The following KIF26B variants were observed in gnomAD, a reference collection of about 807,000 sequenced individuals.
KIF26B encodes the protein kinesin family member 26B, also known as kinesin-like protein KIF26B.
A neutral mutation model predicts 151.2 loss-of-function variants in KIF26B; 63 were observed. The ratio of observed to expected loss-of-function variants is 0.42; its 90% CI spans 0.34 to 0.51. The LOEUF is 0.51. Among genes scored for constraint, KIF26B ranks in the 20% least tolerant of loss-of-function variants. KIF26B has a pLI of 0.07. For synonymous variants in KIF26B, 1,357 were observed against 1,262.1 expected (o/e 1.08, Z -1.59); for missense variants, 2,813 against 2,913.6 (o/e 0.97, Z 0.79).
rs963400555 is a variant in KIF26B, at chr1:245,700,831, G to A, written c.6179-1627G>A. On this transcript the variant is annotated intron_variant, in intron 14 of 14. Transcript: ENST00000407071. Reference sequence around the variant, plus strand: ...TGGTTACTGTCTGCGCGTGACATGCGCACGGGGCGCTGTGCTTATCCCTCC... The same window carrying A: ...TGGTTACTGTCTGCGCGTGACATGCACACGGGGCGCTGTGCTTATCCCTCC... 3.3e-5 allele frequency among the ~76,000 whole-genome samples: 5 copies of A among 152,194 alleles called. No homozygotes were observed. The East Asian group carries it at 5.8e-4, about 18-fold the overall frequency.
intron 5 of KIF26B, among the ~76,000 whole-genome samples, chr1:245,567,853 G>A (rs1432368782): frequency 6.6e-6 from 1 of 152,034 alleles, no homozygotes; most frequent in African/African-American, 2.4e-5. Context: ...TTTCATCTGA[G>A]TTAAGAGTTT....
intron 5 of KIF26B, among the ~76,000 whole-genome samples, chr1:245,561,913 C>CA (rs1239488227): frequency 2.6e-5 from 4 of 152,198 alleles, no homozygotes; most frequent in African/African-American, 9.6e-5. Flanking sequence ...TGCCTCTTCT[C>CA]AGTCTCCATC....
intron 2 of KIF26B, among the ~76,000 whole-genome samples, chr1:245,246,098 GA>G (rs199908845): frequency 0.18 from 5,938 of 32,214 alleles, 117 homozygotes; most frequent in East Asian, 0.27. Flanking sequence ...TCTCAAAAAA[GA>G]AAAAAAAAAA....
intron 3 of KIF26B, among the ~76,000 whole-genome samples, chr1:245,369,376 A>C (rs75192465): frequency 0.057 from 8,670 of 152,246 alleles, 735 homozygotes; most frequent in African/African-American, 0.19. Flanking sequence ...TGTGGTTGAT[A>C]AAATGCCGGG....
intron 10 of KIF26B, among the ~76,000 whole-genome samples, chr1:245,654,361 G>C (rs141701101): frequency 3.3e-5 from 5 of 152,250 alleles, no homozygotes; most frequent in Non-Finnish European, 5.9e-5. Flanking sequence ...CAAGCAACGA[G>C]ACGCTCCTGA....
rs1215728539 is a variant in KIF26B at position 245,667,680 on chromosome 1, C to T, written c.2259-16553C>T. On this transcript the variant is annotated intron_variant, in intron 10 of 14. Transcript: ENST00000407071. This position sits in a 1 kb window ranked among gnomAD's most constrained non-coding sequence, Gnocchi z 4.3. ...TATACAGGAAGAAGAGAAGTGGCAT[C>T]TGCCCATCCTACGCAGTTCTCCAGG... 6.6e-6 allele frequency among the ~76,000 whole-genome samples: 1 copy of T among 152,210 alleles called. No homozygotes were observed. Among genetic ancestry groups the T allele is most frequent in the Non-Finnish European group, 1.5e-5 (1 of 68,030 alleles).
chr1:245,557,134 G>A (rs762122071), intron 5 of KIF26B, among the ~76,000 whole-genome samples: 28 of 152,222 alleles, frequency 1.8e-4, no homozygotes, highest in Non-Finnish European at 2.6e-4. Flanking sequence ...CACTTGCTCT[G>A]CAGTGTAAGC....
rs35972709 is a variant in KIF26B, at chr1:245,495,912, C to T, written c.1167-44855C>T. 0.032 allele frequency among the ~76,000 whole-genome samples: 4,865 copies of T among 152,218 alleles called. 130 individuals carry two copies. The highest frequency in any genetic ancestry group is 0.05 in the Non-Finnish European group (3,382 of 68,000). On this transcript the variant is annotated intron_variant, in intron 4 of 14. Coordinates refer to ENST00000407071, the MANE Select transcript of KIF26B (RefSeq NM_018012.4). This position sits in a 1 kb window ranked among gnomAD's most constrained non-coding sequence, Gnocchi z 4.2. ...CAATGGATGCCAAGAGACAATGGAA[C>T]GTCATATTCATGGGTTGAAAGAATG...
At chr1:245,507,631 C>T (rs909344671) in intron 4 of KIF26B, among the ~76,000 whole-genome samples, 8 of 152,152 alleles carry the variant, frequency 5.3e-5, no homozygotes, top group Admixed American at 2.6e-4. Flanking sequence ...TCCCTTGAAG[C>T]AAGATCTAGA....
At chr1:245,479,463 T>C (rs370089524) in intron 4 of KIF26B, among the ~76,000 whole-genome samples, 6 of 151,876 alleles carry the variant, frequency 4.0e-5, no homozygotes, top group Admixed American at 3.9e-4. Context: ...TTTCTGATTA[T>C]GCTTTCAGAG....
At chr1:245,350,840 T>C (rs1214792053) in intron 2 of KIF26B, among the ~76,000 whole-genome samples, 2 of 152,162 alleles carry the variant, frequency 1.3e-5, no homozygotes, top group Non-Finnish European at 2.9e-5. Context: ...ATGTGTGAAG[T>C]CTTCATGGGT....
At chr1:245,586,889 T>G (rs2043232571) in intron 5 of KIF26B, among the ~76,000 whole-genome samples, 1 of 116,922 alleles carries the variant, frequency 8.6e-6, no homozygotes, top group Non-Finnish European at 1.7e-5. Flanking sequence ...CGAGACTCCG[T>G]CTCAAAAAAA....
At chr1:245,423,203 A>C (rs1221822163) in intron 4 of KIF26B, among the ~76,000 whole-genome samples, 1 of 152,282 alleles carries the variant, frequency 6.6e-6, no homozygotes, top group South Asian at 2.1e-4. Context: ...TTTGTGGCCA[A>C]TGTGGCTGAC....
At chr1:245,337,659 T>C (rs1409581473) in intron 2 of KIF26B, among the ~76,000 whole-genome samples, 1 of 152,108 alleles carries the variant, frequency 6.6e-6, no homozygotes, top group African/African-American at 2.4e-5. Context: ...AATAAATATT[T>C]ATTGAATTAA....
intron 10 of KIF26B, among the ~76,000 whole-genome samples, chr1:245,680,560 TTC>T (rs1387938218): frequency 2.0e-5 from 3 of 152,144 alleles, no homozygotes; most frequent in Non-Finnish European, 4.4e-5. Flanking sequence ...TATCACGATG[TTC>T]TCTCTCAATT....
At chr1:245,355,188 G>A (rs962456185) in intron 2 of KIF26B, among the ~76,000 whole-genome samples, 1 of 152,116 alleles carries the variant, frequency 6.6e-6, no homozygotes, top group South Asian at 2.1e-4. Context: ...GCCTCCCAAA[G>A]TGCTGGGATT....
chr1:245,376,696 AT>A (rs1053093475), intron 3 of KIF26B, among the ~76,000 whole-genome samples: 1 of 150,994 alleles, frequency 6.6e-6, no homozygotes, highest in Non-Finnish European at 1.5e-5. Context: ...TTTTTTATTT[AT>A]TTTTTTTTGA....
At chr1:245,456,890 G>T (rs2103055716) in intron 4 of KIF26B, among the ~76,000 whole-genome samples, 1 of 152,182 alleles carries the variant, frequency 6.6e-6, no homozygotes, top group East Asian at 1.9e-4. Context: ...TATTGAGACA[G>T]AATCTCCCTC....
At chr1:245,356,391 AC>A (rs1428231633) in intron 2 of KIF26B, among the ~76,000 whole-genome samples, 1 of 152,054 alleles carries the variant, frequency 6.6e-6, no homozygotes, top group Non-Finnish European at 1.5e-5. Context: ...CTCCGTCTCT[AC>A]TAAAAGTACA....
Sources: allele counts gnomAD v4.1 joint callset (sites outside exome capture counted in the v4.1 genomes callset), GRCh38; gene constraint gnomAD v4.1.1; non-coding constraint Gnocchi (gnomAD v3.1); transcripts MANE v1.5; gene names NCBI Gene and HGNC (gene_info 2026-07-23, HGNC 2026-07-21).